Variants in SLIT3 observed in about 807,000 individuals in gnomAD.
SLIT3 encodes slit homolog 3 protein.
In SLIT3, 68 loss-of-function variants were observed where a neutral mutation model predicts 184.0. That is an observed-to-expected ratio of 0.37 (90% CI 0.30 to 0.45). The LOEUF is 0.45. SLIT3 is among the 20% of genes least tolerant of loss of function. The pLI, the probability that SLIT3 is intolerant of heterozygous loss-of-function variation, is 1.00. For synonymous variants in SLIT3, 831 were observed against 828.6 expected (o/e 1.00, Z -0.05); for missense variants, 1,707 against 2,026.0 (o/e 0.84, Z 3.02).
At chr5:168,957,170 A>G (rs1352298015) in intron 4 of SLIT3, among the ~76,000 whole-genome samples, 1 of 150,192 alleles carries the variant, frequency 6.7e-6, no homozygotes, top group African/African-American at 2.5e-5. Context: ...CAGAGGTTGC[A>G]GTGACCTGAG....
intron 3 of SLIT3, among the ~76,000 whole-genome samples, chr5:169,236,291 A>G (rs10056028): frequency 0.58 from 88,417 of 151,800 alleles, 26,018 homozygotes; most frequent in Middle Eastern, 0.66. Context: ...TGTTTTGAGC[A>G]CTCCCTTTAT....
intron 4 of SLIT3, among the ~76,000 whole-genome samples, chr5:168,885,557 A>G (rs1760164902): frequency 6.6e-6 from 1 of 152,202 alleles, no homozygotes; most frequent in Non-Finnish European, 1.5e-5. Context: ...AGTCACAATG[A>G]GTCCAGTCTT....
intron 3 of SLIT3, among the ~76,000 whole-genome samples, chr5:169,233,886 G>A (rs1197131701): frequency 6.6e-6 from 1 of 152,002 alleles, no homozygotes; most frequent in Admixed American, 6.6e-5. Flanking sequence ...TAGAAGCTAT[G>A]ACGGCAGGAG....
intron 20 of SLIT3, among the ~76,000 whole-genome samples, chr5:168,735,657 TAGATACACAC>T (rs1285430331): frequency 8.7e-6 from 1 of 114,642 alleles, no homozygotes; most frequent in Admixed American, 9.6e-5. Context: ...TATAGACAGA[TAGATACACAC>T]ACACACACAC....
chr5:168,844,846 C>G, intron 5 of SLIT3, 191 bp from the exon 6 acceptor site: 1 of 558,226 alleles, frequency 1.8e-6, no homozygotes, highest in Non-Finnish European at 3.2e-6. Flanking sequence ...GAGAACTACA[C>G]AGACGAGCGC....
At chr5:168,769,408 C>T (rs1313115227) in intron 14 of SLIT3, among the ~76,000 whole-genome samples, 3 of 152,178 alleles carry the variant, frequency 2.0e-5, no homozygotes, top group Admixed American at 6.5e-5. Flanking sequence ...CATTCTTCCA[C>T]TATGTGTTTT....
chr5:169,118,030 G>A (rs1369607598), intron 4 of SLIT3, among the ~76,000 whole-genome samples: 1 of 152,162 alleles, frequency 6.6e-6, no homozygotes, highest in Non-Finnish European at 1.5e-5. Context: ...TTTGAAATGT[G>A]GCTGGGGGTG....
intron 7 of SLIT3, among the ~76,000 whole-genome samples, chr5:168,820,642 T>C (rs535984636): frequency 6.6e-6 from 1 of 152,324 alleles, no homozygotes; most frequent in East Asian, 1.9e-4. Flanking sequence ...TTAGATACTG[T>C]AGCACCGAGG....
At chr5:169,075,205 G>A (rs895565767) in intron 4 of SLIT3, among the ~76,000 whole-genome samples, 1 of 151,940 alleles carries the variant, frequency 6.6e-6, no homozygotes, top group African/African-American at 2.4e-5. Flanking sequence ...ATGATGGTGG[G>A]GTTTGACATT....
Position 169,213,620 on chromosome 5 carries a change from C to T in SLIT3, c.342-20070G>A, listed in dbSNP as rs386475468. 2.2e-3 allele frequency among the ~76,000 whole-genome samples: 337 copies of T among 152,308 alleles called. 1 individual carries two copies. Among genetic ancestry groups the T allele is most frequent in the Middle Eastern group, 6.8e-3 (2 of 294 alleles). ...GACCATCCCATTAAAACTGCAACTC[C>T]ATTCCTGAGCTCTCTGACTCACTCC... On this transcript the variant is annotated intron_variant, in intron 3 of 35. Transcript: ENST00000519560.
chr5:169,103,868 G>A (rs899042395), intron 4 of SLIT3, among the ~76,000 whole-genome samples: 1 of 152,190 alleles, frequency 6.6e-6, no homozygotes, highest in African/African-American at 2.4e-5. Context: ...GCCAGGGAAA[G>A]AACGAGCCCT....
intron 1 of SLIT3, among the ~76,000 whole-genome samples, chr5:169,260,671 C>G (rs1341939805): frequency 6.6e-6 from 1 of 152,172 alleles, no homozygotes; most frequent in South Asian, 2.1e-4. Context: ...TAAATCAACT[C>G]TCCTGGAATA....
intron 4 of SLIT3, among the ~76,000 whole-genome samples, chr5:168,952,234 A>C (rs556040757): frequency 1.3e-5 from 2 of 152,300 alleles, no homozygotes; most frequent in Admixed American, 1.3e-4. Flanking sequence ...CTTTCTGAAA[A>C]CGCAAAATAG....
intron 12 of SLIT3, among the ~76,000 whole-genome samples, chr5:168,775,031 C>G (rs1755694611): frequency 6.8e-6 from 1 of 146,180 alleles, no homozygotes; most frequent in Non-Finnish European, 1.5e-5. Context: ...TTGAGTCCCA[C>G]CACTGCATTT....
intron 13 of SLIT3, among the ~76,000 whole-genome samples, chr5:168,773,321 G>A (rs1378490095): frequency 6.6e-6 from 1 of 152,154 alleles, no homozygotes; most frequent in East Asian, 1.9e-4. Context: ...GTGACACTAG[G>A]CACATAAAGC....
chr5:168,718,034 A>C (rs1762801506), intron 23 of SLIT3: 2 of 152,094 alleles, frequency 1.3e-5, no homozygotes, highest in African/African-American at 2.4e-5. Context: ...TAAATTCTGC[A>C]ATTAAACTTT....
intron 4 of SLIT3, among the ~76,000 whole-genome samples, chr5:168,927,093 A>C (rs1426853479): frequency 6.6e-6 from 1 of 152,202 alleles, no homozygotes; most frequent in Non-Finnish European, 1.5e-5. Context: ...CATTATTCAC[A>C]ACAGCTAAAA....
rs773658938 is a variant in SLIT3 at position 168,878,412 on chromosome 5, T to C, written c.485+4853A>G. Among the ~76,000 whole-genome samples the C allele has an allele frequency of 2.0e-5, 3 of 152,326 alleles. No individual in the cohort carries two copies. The East Asian group carries it at 5.8e-4, about 29-fold the overall frequency. On this transcript the variant is annotated intron_variant, in intron 5 of 35. Transcript: ENST00000519560. Reference sequence around the variant, plus strand: ...CCACAGGGCTCAGAGGCCGCCTGCGTCCTTTCTCTGGGCTCTGATAAAAGT... The same window carrying C: ...CCACAGGGCTCAGAGGCCGCCTGCGCCCTTTCTCTGGGCTCTGATAAAAGT...
chr5:169,060,795 G>A (rs951590185), intron 4 of SLIT3, among the ~76,000 whole-genome samples: 21 of 152,190 alleles, frequency 1.4e-4, no homozygotes, highest in Admixed American at 8.5e-4. Context: ...TGTCCATACC[G>A]GGTCTGAGTC....
Sources: gnomAD v4.1 joint callset for allele counts (sites outside exome capture counted in the v4.1 genomes callset) on GRCh38, gnomAD v4.1.1 for gene constraint, MANE v1.5 for transcripts, NCBI Gene and HGNC (gene_info 2026-07-23, HGNC 2026-07-21) for gene names.